SPOCK3: variants seen among roughly 807,000 people sequenced by gnomAD.
SPOCK3 encodes the protein SPARC (osteonectin), cwcv and kazal like domains proteoglycan 3, also known as testican-3.
Under a neutral mutation model 56.6 loss-of-function variants are expected in SPOCK3, and 30 were observed. The observed-to-expected ratio is 0.53, with a 90% CI of 0.40 to 0.72. The LOEUF is 0.72. SPOCK3 is among the 30% of genes least tolerant of loss of function. SPOCK3 has a pLI of 0.00. For synonymous variants in SPOCK3, 196 were observed against 183.3 expected (o/e 1.07, Z -0.56); for missense variants, 527 against 530.0 (o/e 0.99, Z 0.06).
At chr4:167,060,635 T>C (rs1755497443) in intron 3 of SPOCK3, among the ~76,000 whole-genome samples, 1 of 152,168 alleles carries the variant, frequency 6.6e-6, no homozygotes, top group East Asian at 1.9e-4. Flanking sequence ...AAAATACTGT[T>C]TTAACATATA....
intron 7 of SPOCK3, among the ~76,000 whole-genome samples, chr4:166,768,304 C>T (rs1482894327): frequency 1.3e-5 from 2 of 152,156 alleles, no homozygotes; most frequent in East Asian, 1.9e-4. Flanking sequence ...TACAATTTGT[C>T]ATGTTTTTGC....
chr4:166,948,757 T>C, intron 4 of SPOCK3, among the ~76,000 whole-genome samples: 1 of 152,162 alleles, frequency 6.6e-6, no homozygotes, highest in South Asian at 2.1e-4. Context: ...CCGACCTTTC[T>C]CTCTGGCTGC....
intron 2 of SPOCK3, among the ~76,000 whole-genome samples, chr4:167,157,860 C>T (rs1764950413): frequency 6.6e-6 from 1 of 151,828 alleles, no homozygotes. Context: ...TTCTTTTGTG[C>T]CACATCAATT....
intron 6 of SPOCK3, among the ~76,000 whole-genome samples, chr4:166,856,561 G>GTGGGTGGA (rs1730691940): frequency 6.6e-6 from 1 of 152,104 alleles, no homozygotes; most frequent in Non-Finnish European, 1.5e-5. Flanking sequence ...GGATCACGAG[G>GTGGGTGGA]TCAGGAGATC....
intron 5 of SPOCK3, among the ~76,000 whole-genome samples, chr4:166,898,926 A>G (rs1735701995): frequency 6.6e-6 from 1 of 152,132 alleles, no homozygotes; most frequent in African/African-American, 2.4e-5. Flanking sequence ...CTGAGTACAG[A>G]AGACCCTCTC....
chr4:167,005,686 T>C (rs1749397360), intron 3 of SPOCK3, among the ~76,000 whole-genome samples: 1 of 152,098 alleles, frequency 6.6e-6, no homozygotes, highest in Non-Finnish European at 1.5e-5. Flanking sequence ...CCTTAGAATT[T>C]CAATGTCCTT....
intron 6 of SPOCK3, 52 bp from the exon 7 acceptor site, chr4:166,792,341 A>G: frequency 1.9e-6 from 3 of 1,596,664 alleles, no homozygotes; most frequent in Non-Finnish European, 2.6e-6. Flanking sequence ...GTATAATGTT[A>G]GTGCTATTTC....
At chr4:167,131,682 C>T (rs182473074) in intron 2 of SPOCK3, among the ~76,000 whole-genome samples, 1 of 152,182 alleles carries the variant, frequency 6.6e-6, no homozygotes, top group Non-Finnish European at 1.5e-5. Context: ...CTTCACTTCT[C>T]TGTTAACTGT....
chr4:167,011,266 C>T (rs1397370810), intron 3 of SPOCK3: 1 of 455,892 alleles, frequency 2.2e-6, no homozygotes, highest in Non-Finnish European at 4.4e-6. Flanking sequence ...GCAATATTCA[C>T]ATCACACAAA....
chr4:167,174,872 CTA>C (rs1006564881), intron 2 of SPOCK3, among the ~76,000 whole-genome samples: 3 of 152,080 alleles, frequency 2.0e-5, no homozygotes, highest in African/African-American at 7.2e-5. Flanking sequence ...TCATGAGAAA[CTA>C]ATCTTTTTTT....
chr4:166,742,915 C>A (rs570035172), intron 8 of SPOCK3, among the ~76,000 whole-genome samples: 1 of 151,994 alleles, frequency 6.6e-6, no homozygotes, highest in Admixed American at 6.6e-5. Context: ...ATTCAACCAA[C>A]CGCTAATTGA....
intron 2 of SPOCK3, among the ~76,000 whole-genome samples, chr4:167,180,270 T>C (rs962744921): frequency 4.6e-5 from 7 of 152,106 alleles, no homozygotes; most frequent in African/African-American, 1.4e-4. Flanking sequence ...GAGGAGGACA[T>C]ATGCCAAGGA....
intron 7 of SPOCK3, 41 bp from the exon 8 acceptor site, chr4:166,754,770 G>T (rs766932320): frequency 2.5e-6 from 4 of 1,603,620 alleles, no homozygotes; most frequent in South Asian, 1.1e-5. Context: ...AAATATGAAA[G>T]ACACCATTAG....
At chr4:166,952,435 G>A (rs1261629700) in intron 4 of SPOCK3, among the ~76,000 whole-genome samples, 1 of 152,078 alleles carries the variant, frequency 6.6e-6, no homozygotes, top group Non-Finnish European at 1.5e-5. Context: ...AATAAAAGAG[G>A]ATACAAACGA....
At chr4:166,748,238 C>T (rs1317789297) in intron 8 of SPOCK3, among the ~76,000 whole-genome samples, 4 of 137,366 alleles carry the variant, frequency 2.9e-5, no homozygotes, top group Admixed American at 2.8e-4. Flanking sequence ...TCAAACTATA[C>T]TACAAGGCTA....
intron 4 of SPOCK3, among the ~76,000 whole-genome samples, chr4:166,913,314 C>G (rs1406271600): frequency 6.6e-6 from 1 of 152,134 alleles, no homozygotes; most frequent in Non-Finnish European, 1.5e-5. Context: ...AGCTTTGATA[C>G]AGAATAACTG....
intron 4 of SPOCK3, among the ~76,000 whole-genome samples, chr4:166,958,921 CA>C (rs2150052816): frequency 6.6e-6 from 1 of 152,092 alleles, no homozygotes; most frequent in South Asian, 2.1e-4. Flanking sequence ...CTTTTTTGAA[CA>C]TAAAATCAGT....
At chr4:167,055,618 CG>C (rs1754732089) in intron 3 of SPOCK3, among the ~76,000 whole-genome samples, 2 of 152,152 alleles carry the variant, frequency 1.3e-5, no homozygotes, top group African/African-American at 4.8e-5. Flanking sequence ...GCTTTTCCAA[CG>C]GGCTTAAAAT....
chr4:166,936,090 A>T (rs1437875525), intron 4 of SPOCK3, among the ~76,000 whole-genome samples: 1 of 152,166 alleles, frequency 6.6e-6, no homozygotes, highest in Non-Finnish European at 1.5e-5. Flanking sequence ...TGAGAAGATT[A>T]TAAGTTTTAT....
Sources: gnomAD v4.1 joint callset for allele counts (sites outside exome capture counted in the v4.1 genomes callset) on GRCh38, gnomAD v4.1.1 for gene constraint, MANE v1.5 for transcripts, NCBI Gene and HGNC (gene_info 2026-07-23, HGNC 2026-07-21) for gene names.